The following NPL variants were observed in gnomAD, a reference collection of about 807,000 sequenced individuals.
The protein encoded by NPL is N-acetylneuraminate lyase.
A neutral mutation model predicts 41.1 loss-of-function variants in NPL; 32 were observed. The ratio of observed to expected loss-of-function variants is 0.78; its 90% confidence interval spans 0.59 to 1.05. The LOEUF is 1.05. Ranked by LOEUF, NPL falls within the 50% of genes least tolerant of loss-of-function variation. The pLI is 0.00. For synonymous variants in NPL, 128 were observed against 134.9 expected (o/e 0.95, Z 0.35); for missense variants, 321 against 378.4 (o/e 0.85, Z 1.26).
Position 182,822,183 on chromosome 1 carries a change from T to C in NPL, c.722T>C (p.Leu241Ser). The change falls in exon 11 of 13, where the codon TTA becomes TCA. Residue 241 changes from leucine to serine, a missense_variant. Coordinates refer to ENST00000367553, the MANE Select transcript of NPL (RefSeq NM_030769.3). ...LEAFEQKDFS[L>S]ALNYQFCIQR... ...GCTTTTGAACAAAAGGACTTCTCTTTAGCCCTGAACTATCAGGTAAACGTT... is the reference window on the plus strand; with the variant it reads ...GCTTTTGAACAAAAGGACTTCTCTTCAGCCCTGAACTATCAGGTAAACGTT... The C allele has an allele frequency of 6.2e-7, 1 of 1,611,960 alleles. No homozygotes were observed. Among genetic ancestry groups the C allele is most frequent in the East Asian group, 2.2e-5 (1 of 44,856 alleles).
chr1:182,806,268 C>A (rs1284436873), intron 5 of NPL, 36 bp downstream of exon 5: 11 of 1,613,472 alleles, frequency 6.8e-6, no homozygotes, highest in Non-Finnish European at 9.3e-6. Flanking sequence ...TGCCCTTTGG[C>A]AACAGCTGTA....
In NPL at chr1:182,829,127, T is replaced by C; in HGVS notation, c.*219T>C. On this transcript the variant is annotated 3_prime_UTR_variant, in exon 13 of 13. Coordinates refer to ENST00000367553, the MANE Select transcript of NPL (RefSeq NM_030769.3). ...AACTCTCAGTCATTCATTTCACAGA[T>C]TTTTTTGTGGAGAAATTTCTGTTTA... The C allele has an allele frequency of 7.3e-7, 1 of 1,376,264 alleles. No homozygotes were observed. Among genetic ancestry groups the C allele is most frequent in the South Asian group, 1.7e-5 (1 of 58,730 alleles). The allele number at this position is 1,376,264 out of a possible 1,614,324, so 85.3% of individuals were successfully genotyped here.
At chr1:182,817,146 C>G (rs958644608) in intron 8 of NPL, among the ~76,000 whole-genome samples, 3 of 152,092 alleles carry the variant, frequency 2.0e-5, no homozygotes, top group African/African-American at 2.4e-5. Context: ...TACCTTGAAC[C>G]TGTTGTATTC....
intron 11 of NPL, among the ~76,000 whole-genome samples, chr1:182,825,242 T>G (rs1238218262): frequency 6.6e-6 from 1 of 152,224 alleles, no homozygotes; most frequent in African/African-American, 2.4e-5. Flanking sequence ...GTCTTTATTT[T>G]TTTTCAAAAG....
intron 2 of NPL, among the ~76,000 whole-genome samples, chr1:182,793,489 CTTGAA>C (rs1448142137): frequency 6.6e-6 from 1 of 152,174 alleles, no homozygotes; most frequent in African/African-American, 2.4e-5. Flanking sequence ...ATTCTTCGCT[CTTGAA>C]TTGAACACCT....
intron 4 of NPL, 148 bp from the exon 5 acceptor site, chr1:182,805,997 G>C: frequency 2.3e-6 from 2 of 883,348 alleles, no homozygotes; most frequent in South Asian, 2.9e-5. Flanking sequence ...GTGGAAAAAA[G>C]ATGGAGTCTG....
intron 4 of NPL, 28 bp downstream of exon 4, chr1:182,803,799 A>G (rs759142530): frequency 4.8e-6 from 7 of 1,471,120 alleles, no homozygotes; most frequent in South Asian, 4.5e-5. Context: ...ATGTCGCTGC[A>G]TGTCTCCAGC....
intron 1 of NPL, among the ~76,000 whole-genome samples, chr1:182,790,491 G>A (rs1666471537): frequency 6.6e-6 from 1 of 152,186 alleles, no homozygotes; most frequent in Non-Finnish European, 1.5e-5. Flanking sequence ...ACATTCCCAA[G>A]TTTATCTAAA....
At chr1:182,825,056 T>C (rs1341990939) in intron 11 of NPL, among the ~76,000 whole-genome samples, 3 of 152,226 alleles carry the variant, frequency 2.0e-5, no homozygotes, top group Non-Finnish European at 4.4e-5. Flanking sequence ...AATCACAGAA[T>C]GCTTTAATGA....
intron 11 of NPL, among the ~76,000 whole-genome samples, chr1:182,822,465 A>G (rs1452227034): frequency 6.6e-6 from 1 of 152,164 alleles, no homozygotes; most frequent in African/African-American, 2.4e-5. Context: ...CTCTATCTTC[A>G]AAGTACTTTT....
intron 3 of NPL, among the ~76,000 whole-genome samples, chr1:182,801,167 A>G (rs909855755): frequency 1.3e-5 from 2 of 152,206 alleles, no homozygotes; most frequent in African/African-American, 4.8e-5. Context: ...TGGTAGTTCC[A>G]AAAGGACTTA....
intron 3 of NPL, among the ~76,000 whole-genome samples, chr1:182,796,604 A>C (rs1666674143): frequency 6.6e-6 from 1 of 152,120 alleles, no homozygotes; most frequent in African/African-American, 2.4e-5. Context: ...AGCTTTCTGC[A>C]TATAAGTTGA....
In NPL at chr1:182,829,044, C is replaced by A; in HGVS notation, c.*136C>A. ...AAATCTCACAATAAGCATTGAGGTA[C>A]CTTTTGTGAGCCTTAAAAAGTCTTA... On this transcript the variant is annotated 3_prime_UTR_variant, in exon 13 of 13. Transcript: ENST00000367553. The A allele has an allele frequency of 6.6e-7, 1 of 1,516,438 alleles. No homozygotes were observed. Among genetic ancestry groups the A allele is most frequent in the South Asian group, 1.3e-5 (1 of 78,408 alleles). 93.9% of individuals were successfully genotyped at this position (1,516,438 alleles called of 1,614,324 possible). A position where few individuals can be genotyped will look rare whatever the true frequency, so the allele number is the denominator to read the frequency against.
intron 3 of NPL, among the ~76,000 whole-genome samples, chr1:182,796,861 C>T (rs945336924): frequency 1.1e-4 from 17 of 151,956 alleles, no homozygotes; most frequent in African/African-American, 3.4e-4. Flanking sequence ...ATGGTGAAAC[C>T]GCCTCTCTAC....
intron 3 of NPL, among the ~76,000 whole-genome samples, chr1:182,798,922 A>G (rs925252635): frequency 3.3e-5 from 5 of 152,238 alleles, no homozygotes; most frequent in African/African-American, 1.2e-4. Flanking sequence ...TATAACTGCT[A>G]TCTGATTGAA....
At chr1:182,819,446 CAA>C (rs746491108) in intron 10 of NPL, among the ~76,000 whole-genome samples, 23 of 105,354 alleles carry the variant, frequency 2.2e-4, no homozygotes, top group Admixed American at 3.0e-4. Context: ...AACTCCATCT[CAA>C]AAAAAAAAAA....
At position 182,828,661 on chromosome 1, in the gene NPL, T is replaced by C; in HGVS notation, c.779-63T>C. 5.6e-6 allele frequency: 9 copies of C among 1,610,340 alleles called. No homozygotes were observed. The Admixed American group carries it at 1.2e-4, about 21-fold the overall frequency. On this transcript the variant is annotated intron_variant, in intron 12 of 12. Coordinates refer to ENST00000367553, the MANE Select transcript of NPL (RefSeq NM_030769.3). This position sits in a 1 kb window ranked among gnomAD's most constrained non-coding sequence, Gnocchi z 4.0. ...GCTGTTAGCATATGATCTCCTTCTT[T>C]GGGATTTTTGTGGAGAGATAGACGG...
chr1:182,798,386 C>T (rs1666736809), intron 3 of NPL, among the ~76,000 whole-genome samples: 1 of 152,072 alleles, frequency 6.6e-6, no homozygotes, highest in African/African-American at 2.4e-5. Context: ...CACCACCCTG[C>T]CCGGCTAATT....
At position 182,828,959 on chromosome 1, in the gene NPL, A is replaced by G. The variant is rs761066645; in HGVS notation, c.*51A>G. ...CACCTTGAGACATAATCTACCTTAAATAGTGCATTTTTTTCTCAGGGAATT... is the reference window on the plus strand; with the variant it reads ...CACCTTGAGACATAATCTACCTTAAGTAGTGCATTTTTTTCTCAGGGAATT... On this transcript the variant is annotated 3_prime_UTR_variant, in exon 13 of 13. Transcript: ENST00000367553. The surrounding 1 kb of genome is among the most constrained non-coding windows in gnomAD (Gnocchi z 4.0). 1.8e-5 allele frequency: 29 copies of G among 1,609,966 alleles called. No homozygotes were observed. Among genetic ancestry groups the G allele is most frequent in the Non-Finnish European group, 2.1e-5 (25 of 1,179,626 alleles).
Sources: gnomAD v4.1 joint callset for allele counts (sites outside exome capture counted in the v4.1 genomes callset) on GRCh38, gnomAD v4.1.1 for gene constraint, Gnocchi (gnomAD v3.1) non-coding constraint, MANE v1.5 for transcripts, NCBI Gene and HGNC (gene_info 2026-07-23, HGNC 2026-07-21) for gene names.